ABCA12: variants seen among roughly 807,000 people sequenced by gnomAD.
ABCA12 encodes the protein glucosylceramide transporter ABCA12.
ABCA12 carries 156 observed loss-of-function variants against 293.5 expected under a neutral mutation model. That is an observed-to-expected ratio of 0.53 (90% CI 0.47 to 0.61). The LOEUF (loss-of-function observed/expected upper bound fraction) is 0.61, where lower values mean the gene tolerates loss of function less well. Among genes scored for constraint, ABCA12 ranks in the 20% least tolerant of loss-of-function variants. The probability of loss-of-function intolerance (pLI) is 0.00; values close to 1 mark genes in which losing one functional copy is unlikely to be tolerated. For missense variants in ABCA12, 2,797 were observed against 3,090.2 expected (o/e 0.91, Z 2.25); for synonymous variants, 1,063 against 1,108.0 (o/e 0.96, Z 0.81).
chr2:214,980,531 G>C lies in ABCA12; in HGVS notation c.4692C>G (p.Leu1564=). 6.2e-7 allele frequency: 1 copy of C among 1,613,966 alleles called. No homozygotes were observed. Among genetic ancestry groups the C allele is most frequent in the Non-Finnish European group, 8.5e-7 (1 of 1,179,990 alleles). Residue 1564 remains leucine (L), a synonymous_variant, in exon 31 of 53, where the codon CTC becomes CTG. Coordinates refer to ENST00000272895, the MANE Select transcript of ABCA12 (RefSeq NM_173076.3). The part of the protein sequence containing the change: ...GLRCCGSPFY[L]KEAFGDGYHL... ...GATACCCATCGCCAAAGGCTTCCTTGAGGTAAAATGGGGACCCACAGCACC... is the reference window on the plus strand; with the variant it reads ...GATACCCATCGCCAAAGGCTTCCTTCAGGTAAAATGGGGACCCACAGCACC...
At chr2:215,028,150 CT>C (rs1294500128) in intron 9 of ABCA12, among the ~76,000 whole-genome samples, 1 of 152,192 alleles carries the variant, frequency 6.6e-6, no homozygotes, top group Non-Finnish European at 1.5e-5. Context: ...CACAAATTAA[CT>C]AGTCCTACTG....
chr2:214,999,772 T>G (rs1700102889), intron 22 of ABCA12: 1 of 982,582 alleles, frequency 1.0e-6, no homozygotes, highest in South Asian at 4.7e-5. Flanking sequence ...GACAGTCCAC[T>G]TGATGGACTC....
At chr2:215,050,720 T>A in intron 5 of ABCA12, 1 of 843,828 alleles carries the variant, frequency 1.2e-6, no homozygotes, top group Non-Finnish European at 1.4e-6. Context: ...TCCACTTATC[T>A]AGGATGTACT....
intron 9 of ABCA12, among the ~76,000 whole-genome samples, chr2:215,029,749 C>T (rs753236081): frequency 3.3e-5 from 5 of 152,186 alleles, no homozygotes; most frequent in Non-Finnish European, 7.3e-5. Flanking sequence ...TATTCCCTTA[C>T]AACACTGGAG....
In ABCA12 at chr2:215,096,021, C is replaced by A. The variant is rs190020547; in HGVS notation, c.163+15576G>T. 3.3e-3 allele frequency among the ~76,000 whole-genome samples: 497 copies of A among 152,244 alleles called. 4 individuals are homozygous for A. Among genetic ancestry groups the A allele is most frequent in the Non-Finnish European group, 4.3e-3 (291 of 68,026 alleles). ...ATGTTTGGTGGTCTCTTCACACGGA[C>A]GTGCATAACAATATGTATAACAAAT... is the stretch of plus-strand genomic sequence containing the variant. On this transcript the variant is annotated intron_variant, in intron 2 of 52. Transcript: ENST00000272895.
chr2:215,108,248 G>C (rs1702502578), intron 2 of ABCA12, among the ~76,000 whole-genome samples: 1 of 152,168 alleles, frequency 6.6e-6, no homozygotes, highest in African/African-American at 2.4e-5. Context: ...AGGTAGCACT[G>C]AATACTAATA....
intron 9 of ABCA12, among the ~76,000 whole-genome samples, chr2:215,028,596 G>C (rs1700802682): frequency 6.6e-6 from 1 of 152,172 alleles, no homozygotes; most frequent in South Asian, 2.1e-4. Flanking sequence ...ATTCACAAAT[G>C]AAGGACCAGG....
In ABCA12 at chr2:214,953,917, G is replaced by A; in HGVS notation, c.6584C>T (p.Ser2195Phe). Residue 2195 changes from serine to phenylalanine, a missense_variant, in exon 44 of 53, where the codon TCT becomes TTT. Around this residue, in one of 3 missense-constraint regions of ABCA12, gnomAD observed 2,130 missense variants for 2,427.0 expected, o/e 0.88. Transcript: ENST00000272895. Reference protein sequence around the residue: ...KLGAMFVALVSQGTMFFSLRL... With the variant: ...KLGAMFVALVFQGTMFFSLRL... The stretch of plus-strand genomic sequence containing the variant: ...CAAGGAAAAAAACATGGTGCCCTGA[G>A]AAACCAAAGCCACAAACATTGCACC... 6.2e-7 allele frequency: 1 copy of A among 1,614,000 alleles called. No homozygotes were observed. Among genetic ancestry groups the A allele is most frequent in the Non-Finnish European group, 8.5e-7 (1 of 1,179,976 alleles).
intron 45 of ABCA12, among the ~76,000 whole-genome samples, 172 bp from the exon 46 acceptor site, chr2:214,949,321 A>G (rs1262226724): frequency 6.6e-6 from 1 of 151,648 alleles, no homozygotes; most frequent in Non-Finnish European, 1.5e-5. Context: ...TTTAAAACAA[A>G]TGGATACCAT....
chr2:214,946,677 C>A (rs113610009), intron 48 of ABCA12, among the ~76,000 whole-genome samples: 2,829 of 152,168 alleles, frequency 0.019, 36 homozygotes, highest in Non-Finnish European at 0.029. Flanking sequence ...AGTTAAGGCT[C>A]TTTCAGAGTT....
chr2:215,055,535 G>T (rs1418931187), intron 3 of ABCA12, among the ~76,000 whole-genome samples: 1 of 151,990 alleles, frequency 6.6e-6, no homozygotes, highest in Non-Finnish European at 1.5e-5. Context: ...ATTCCAAAAA[G>T]TTGGTGTATT....
rs749308008 is a variant in ABCA12, at chr2:214,955,248, G to A, written c.6347C>T (p.Ser2116Phe). The change falls in exon 43 of 53, where the codon TCC becomes TTC. Residue 2116 changes from serine (S) to phenylalanine (F), a missense_variant. Physicochemically the swap from Ser to Phe is radical, Grantham distance 155 (BLOSUM62 -2). Coordinates refer to ENST00000272895, the MANE Select transcript of ABCA12 (RefSeq NM_173076.3). ...GGAAAGAAAGTATACCACTGACAGG[G>A]AAACAATGGAATTAATGCCAAAAAA... is the stretch of plus-strand genomic sequence containing the variant. The part of the protein sequence containing the change: ...NLFFGINSIV[S>F]LSVVYFLSKE... 1.9e-6 allele frequency: 3 copies of A among 1,614,106 alleles called. No homozygotes were observed. The South Asian group carries it at 3.3e-5, about 18-fold the overall frequency.
At chr2:215,118,918 A>T (rs1354920255) in intron 1 of ABCA12, among the ~76,000 whole-genome samples, 4 of 152,118 alleles carry the variant, frequency 2.6e-5, no homozygotes, top group African/African-American at 9.7e-5. Context: ...CCTCTGTTAC[A>T]TGCATAGTTT....
rs149826186 is a variant in ABCA12, at chr2:214,934,046, G to T, written c.7680+32C>A. The T allele has an allele frequency of 5.6e-6, 9 of 1,596,128 alleles. No homozygotes were observed. The African/African-American group carries it at 9.4e-5, about 17-fold the overall frequency. ...ATGAATAATAATATTAATATGTGAC[G>T]TTGTGCACATGGATCGTGGTATATA... is the stretch of plus-strand genomic sequence containing the variant. On this transcript the variant is annotated intron_variant, in intron 52 of 52. Transcript: ENST00000272895.
At chr2:215,004,694 GATGTCTCC>G (rs1335387041) in intron 19 of ABCA12, 1 of 188,638 alleles carries the variant, frequency 5.3e-6, no homozygotes, top group African/African-American at 2.4e-5. Context: ...TAAAAATCAT[GATGTCTCC>G]GTGGAATCTG....
At chr2:215,038,433 T>C (rs1231694085) in intron 7 of ABCA12, among the ~76,000 whole-genome samples, 1 of 152,174 alleles carries the variant, frequency 6.6e-6, no homozygotes, top group African/African-American at 2.4e-5. Context: ...TGCTTCAACA[T>C]GGTGGGGAGG....
intron 2 of ABCA12, among the ~76,000 whole-genome samples, chr2:215,065,838 GA>G (rs1479746743): frequency 1.3e-5 from 2 of 151,808 alleles, no homozygotes; most frequent in African/African-American, 2.4e-5. Context: ...AGTAACTATA[GA>G]AAAAAATAGT....
At chr2:215,001,431 C>G in intron 21 of ABCA12, 127 bp downstream of exon 21, 1 of 1,146,178 alleles carries the variant, frequency 8.7e-7, no homozygotes, top group Non-Finnish European at 1.3e-6. Context: ...GTTCTCTTTT[C>G]TAAGGACATC....
intron 2 of ABCA12, among the ~76,000 whole-genome samples, chr2:215,079,611 C>T (rs991578568): frequency 6.6e-6 from 1 of 152,178 alleles, no homozygotes; most frequent in Non-Finnish European, 1.5e-5. Context: ...ACTTCTTTCC[C>T]TTTCTATTGC....
Sources: gnomAD v4.1 joint callset for allele counts (sites outside exome capture counted in the v4.1 genomes callset) on GRCh38, gnomAD v4.1.1 for gene constraint, gnomAD v4.1.1 regional missense constraint, MANE v1.5 for transcripts, NCBI Gene and HGNC (gene_info 2026-07-23, HGNC 2026-07-21) for gene names.